The following PLXNA4 variants were observed in gnomAD, a reference collection of about 807,000 sequenced individuals.
PLXNA4 encodes the protein plexin A4.
PLXNA4 carries 44 observed loss-of-function variants against 191.8 expected under a neutral mutation model. The ratio of observed to expected loss-of-function variants is 0.23; its 90% CI spans 0.18 to 0.29. PLXNA4 has a LOEUF of 0.29. Among genes scored for constraint, PLXNA4 ranks in the 10% least tolerant of loss-of-function variants. PLXNA4 has a pLI of 1.00. For synonymous variants in PLXNA4, 1,082 were observed against 1,009.5 expected (o/e 1.07, Z -1.36); for missense variants, 1,800 against 2,488.8 (o/e 0.72, Z 5.89).
At chr7:132,624,255 C>T (rs562682794) in intron 2 of PLXNA4, among the ~76,000 whole-genome samples, 1 of 152,310 alleles carries the variant, frequency 6.6e-6, no homozygotes, top group East Asian at 1.9e-4. Flanking sequence ...TCTGATGCTG[C>T]CATCATAATG....
At chr7:132,598,085 T>A (rs949996004) in intron 2 of PLXNA4, among the ~76,000 whole-genome samples, 1 of 152,204 alleles carries the variant, frequency 6.6e-6, no homozygotes, top group Non-Finnish European at 1.5e-5. Flanking sequence ...CCCTTCAGAA[T>A]GTCTACGACA....
intron 3 of PLXNA4, among the ~76,000 whole-genome samples, chr7:132,370,047 G>A (rs1340832119): frequency 7.0e-5 from 10 of 143,314 alleles, no homozygotes; most frequent in Admixed American, 3.5e-4. Context: ...CAGCCTGAGC[G>A]ACAGAGTGAG....
At chr7:132,486,352 G>A (rs973079240) in intron 3 of PLXNA4, among the ~76,000 whole-genome samples, 1 of 152,218 alleles carries the variant, frequency 6.6e-6, no homozygotes, top group Non-Finnish European at 1.5e-5. Context: ...CTTAGTGAGT[G>A]AGTGGGGGTG....
intron 13 of PLXNA4, among the ~76,000 whole-genome samples, chr7:132,198,094 T>C (rs1797308074): frequency 3.9e-5 from 6 of 152,040 alleles, no homozygotes; most frequent in Admixed American, 3.9e-4. Context: ...TCATTGTCAG[T>C]CTCCACAGAG....
chr7:132,521,624 A>T (rs1407033045), intron 1 of PLXNA4, among the ~76,000 whole-genome samples: 1 of 152,138 alleles, frequency 6.6e-6, no homozygotes, highest in Non-Finnish European at 1.5e-5. Flanking sequence ...CTGGACTGTG[A>T]TGAAACCTCA....
intron 3 of PLXNA4, among the ~76,000 whole-genome samples, chr7:132,414,009 C>T (rs1794565860): frequency 6.6e-6 from 1 of 152,206 alleles, no homozygotes; most frequent in South Asian, 2.1e-4. Context: ...ATAGAGCTAT[C>T]TCTCTTCCAC....
In PLXNA4 at chr7:132,568,231, C is replaced by A. The variant is rs550360591; in HGVS notation, c.-87+8191G>T. Among the ~76,000 whole-genome samples the A allele has an allele frequency of 2.4e-4, 36 of 152,282 alleles. No homozygotes were observed. In the South Asian group the frequency reaches 3.3e-3, roughly 14 times the overall value. On this transcript the variant is annotated intron_variant, in intron 1 of 31. Coordinates refer to ENST00000321063, the MANE Select transcript of PLXNA4 (RefSeq NM_020911.2). ...GGGTGGCAGAGGTCATTACGACCTC[C>A]CCCTGCTTCCCAGCAGCCGTGCCAT... is the stretch of plus-strand genomic sequence containing the variant.
At chr7:132,359,406 G>A (rs746770077) in intron 3 of PLXNA4, among the ~76,000 whole-genome samples, 9 of 151,622 alleles carry the variant, frequency 5.9e-5, no homozygotes, top group Non-Finnish European at 8.8e-5. Flanking sequence ...TAGTAGAGAC[G>A]GAGTTTCACC....
At chr7:132,469,370 C>T (rs1796843415) in intron 3 of PLXNA4, among the ~76,000 whole-genome samples, 1 of 152,216 alleles carries the variant, frequency 6.6e-6, no homozygotes, top group Middle Eastern at 3.4e-3. Flanking sequence ...CAAAGTTCAC[C>T]ATGGAGTAGT....
At chr7:132,378,605 G>A (rs761304736) in intron 3 of PLXNA4, among the ~76,000 whole-genome samples, 7 of 152,136 alleles carry the variant, frequency 4.6e-5, no homozygotes, top group South Asian at 2.1e-4. Flanking sequence ...TAGCAGGCAT[G>A]GCAGATGATT....
chr7:132,593,967 G>A (rs984354322), intron 2 of PLXNA4, among the ~76,000 whole-genome samples: 1 of 152,218 alleles, frequency 6.6e-6, no homozygotes, highest in Non-Finnish European at 1.5e-5. Context: ...AGGGAGCTCC[G>A]GGTGGTGAAC....
chr7:132,287,996 C>T (rs1308914930), intron 4 of PLXNA4, among the ~76,000 whole-genome samples: 4 of 152,292 alleles, frequency 2.6e-5, no homozygotes, highest in East Asian at 3.9e-4. Flanking sequence ...AAGAGTGGGG[C>T]GTACCACTTT....
intron 1 of PLXNA4, among the ~76,000 whole-genome samples, chr7:132,511,759 A>T (rs1798723615): frequency 6.6e-6 from 1 of 152,206 alleles, no homozygotes; most frequent in East Asian, 1.9e-4. Flanking sequence ...TGAGTGATGA[A>T]GAGTCAAGAT....
chr7:132,220,522 G>A (rs908282433), intron 9 of PLXNA4, among the ~76,000 whole-genome samples: 3 of 152,148 alleles, frequency 2.0e-5, no homozygotes, highest in African/African-American at 7.2e-5. Flanking sequence ...GGCCTGCCAG[G>A]CTCACCATAC....
At chr7:132,530,991 G>A (rs916524114) in intron 1 of PLXNA4, among the ~76,000 whole-genome samples, 16 of 152,210 alleles carry the variant, frequency 1.1e-4, no homozygotes, top group African/African-American at 3.9e-4. Context: ...GACAAATATT[G>A]TAAGAATCTA....
At chr7:132,446,716 C>A (rs919847) in intron 3 of PLXNA4, among the ~76,000 whole-genome samples, 1 of 152,182 alleles carries the variant, frequency 6.6e-6, no homozygotes, top group Non-Finnish European at 1.5e-5. Flanking sequence ...AAAAACCCCA[C>A]CCTATCCGAA....
intron 3 of PLXNA4, among the ~76,000 whole-genome samples, chr7:132,409,057 T>C (rs1488342553): frequency 1.3e-5 from 2 of 152,086 alleles, no homozygotes; most frequent in Non-Finnish European, 2.9e-5. Context: ...TAACAAGACA[T>C]GGACTTGGAT....
chr7:132,619,327 T>C (rs1470857968), intron 2 of PLXNA4, among the ~76,000 whole-genome samples: 5 of 152,148 alleles, frequency 3.3e-5, no homozygotes, highest in Non-Finnish European at 7.3e-5. Flanking sequence ...TTATACCATA[T>C]ACATGAAATA....
At chr7:132,640,562 C>A (rs1803721789) in intron 2 of PLXNA4, among the ~76,000 whole-genome samples, 1 of 152,188 alleles carries the variant, frequency 6.6e-6, no homozygotes, top group Non-Finnish European at 1.5e-5. Context: ...AGGCAGCCAT[C>A]TGCAAGCAAG....
Sources: gnomAD v4.1 joint callset for allele counts (sites outside exome capture counted in the v4.1 genomes callset) on GRCh38, gnomAD v4.1.1 for gene constraint, MANE v1.5 for transcripts, NCBI Gene and HGNC (gene_info 2026-07-23, HGNC 2026-07-21) for gene names.